The following STK3 variants were observed in gnomAD, a reference collection of about 807,000 sequenced individuals.
The protein encoded by STK3 is serine/threonine kinase 3.
In STK3, 41 loss-of-function variants were observed where a neutral mutation model predicts 58.0. The observed-to-expected ratio is 0.71, with a 90% confidence interval of 0.55 to 0.92. The LOEUF is 0.92. Among genes scored for constraint, STK3 ranks in the 40% least tolerant of loss-of-function variants. The probability of loss-of-function intolerance (pLI) is 0.00; values close to 1 mark genes in which losing one functional copy is unlikely to be tolerated. For missense variants in STK3, 479 were observed against 602.7 expected (o/e 0.79, Z 2.15); for synonymous variants, 170 against 191.0 (o/e 0.89, Z 0.91).
chr8:98,685,256 T>C (rs1297867825), intron 6 of STK3, among the ~76,000 whole-genome samples: 1 of 152,196 alleles, frequency 6.6e-6, no homozygotes, highest in East Asian at 1.9e-4. Context: ...ATAATTCATA[T>C]TTATATAATT....
At chr8:98,791,344 T>A (rs950639757) in intron 1 of STK3, among the ~76,000 whole-genome samples, 1 of 152,208 alleles carries the variant, frequency 6.6e-6, no homozygotes, top group Non-Finnish European at 1.5e-5. Context: ...TGGAAACACA[T>A]CCCATGCTCA....
chr8:98,493,066 C>T (rs1271208001), intron 10 of STK3, among the ~76,000 whole-genome samples: 1 of 150,858 alleles, frequency 6.6e-6, no homozygotes, highest in African/African-American at 2.4e-5. Context: ...CCCAACTCTA[C>T]ATTTTTTTTT....
intron 3 of STK3, among the ~76,000 whole-genome samples, chr8:98,863,699 T>C (rs1050165823): frequency 2.0e-5 from 3 of 152,172 alleles, no homozygotes; most frequent in African/African-American, 7.2e-5. Flanking sequence ...AATGGCAACA[T>C]TTTGGGAAAG....
At chr8:98,522,870 T>C (rs866225819) in intron 10 of STK3, among the ~76,000 whole-genome samples, 10 of 152,330 alleles carry the variant, frequency 6.6e-5, no homozygotes, top group Middle Eastern at 3.4e-3. Context: ...TGTAGCATAT[T>C]GCACAATTTC....
intron 1 of STK3, among the ~76,000 whole-genome samples, chr8:98,908,190 T>C (rs951950434): frequency 7.9e-5 from 12 of 152,256 alleles, no homozygotes; most frequent in African/African-American, 2.9e-4. Flanking sequence ...ATGGTGATAC[T>C]CTGATTCTAT....
At chr8:98,738,720 G>C (rs548538389) in intron 4 of STK3, among the ~76,000 whole-genome samples, 8 of 152,320 alleles carry the variant, frequency 5.3e-5, no homozygotes, top group Admixed American at 2.0e-4. Flanking sequence ...TCTCACTAGA[G>C]AGTGCCAGAC....
chr8:98,680,172 G>A (rs1823528232), intron 6 of STK3, among the ~76,000 whole-genome samples: 1 of 152,004 alleles, frequency 6.6e-6, no homozygotes, highest in Non-Finnish European at 1.5e-5. Context: ...AAAGATCTTT[G>A]GATCTTTTAT....
At chr8:98,630,607 T>C (rs2130497922) in intron 6 of STK3, among the ~76,000 whole-genome samples, 1 of 150,422 alleles carries the variant, frequency 6.6e-6, no homozygotes, top group East Asian at 2.0e-4. Context: ...GGCACCAGTG[T>C]ACTCCAGCCT....
chr8:98,344,726 T>C, the STK3 span, among the ~76,000 whole-genome samples: 2 of 150,882 alleles, frequency 1.3e-5, no homozygotes, highest in Non-Finnish European at 3.0e-5. Context: ...ACCCCGTCTC[T>C]ACTAAAAATA....
intron 6 of STK3, among the ~76,000 whole-genome samples, chr8:98,648,747 C>T (rs1820613963): frequency 6.6e-6 from 1 of 152,066 alleles, no homozygotes; most frequent in Non-Finnish European, 1.5e-5. Flanking sequence ...CAAAAATAAG[C>T]CGGCTGTGGT....
chr8:98,878,006 C>T (rs1464914151), intron 3 of STK3, among the ~76,000 whole-genome samples: 2 of 151,470 alleles, frequency 1.3e-5, no homozygotes, highest in African/African-American at 4.9e-5. Flanking sequence ...CTGGTGTTAG[C>T]AAATCATAAC....
intron 3 of STK3, among the ~76,000 whole-genome samples, chr8:98,855,652 A>G (rs2131839280): frequency 6.6e-6 from 1 of 152,342 alleles, no homozygotes; most frequent in East Asian, 1.9e-4. Context: ...AAGAAAAAAT[A>G]GATATATTAG....
chr8:98,424,562 C>T (rs779734050), intron 3 of STK3, among the ~76,000 whole-genome samples: 8 of 152,050 alleles, frequency 5.3e-5, no homozygotes, highest in Admixed American at 1.3e-4. Context: ...GTGGGGTGGC[C>T]GTGGGTGTGG....
At chr8:98,694,148 T>C (rs1255186619) in intron 6 of STK3, among the ~76,000 whole-genome samples, 1 of 152,166 alleles carries the variant, frequency 6.6e-6, no homozygotes, top group East Asian at 1.9e-4. Flanking sequence ...TTAAATGCTA[T>C]GTTTCTCCAA....
At chr8:98,573,954 AAAC>A (rs1813178459) in intron 8 of STK3, among the ~76,000 whole-genome samples, 1 of 152,046 alleles carries the variant, frequency 6.6e-6, no homozygotes. Flanking sequence ...GCCCCTTATA[AAAC>A]CATCAGACCT....
At chr8:98,802,916 ATG>A (rs2131633478) in intron 1 of STK3, among the ~76,000 whole-genome samples, 1 of 152,336 alleles carries the variant, frequency 6.6e-6, no homozygotes, top group South Asian at 2.1e-4. Flanking sequence ...GTGTTTGCAT[ATG>A]TGTGTATTTC....
intron 6 of STK3, among the ~76,000 whole-genome samples, chr8:98,643,313 T>G (rs1820163635): frequency 6.6e-6 from 1 of 152,168 alleles, no homozygotes; most frequent in African/African-American, 2.4e-5. Flanking sequence ...TATTATTACC[T>G]CATCTTCTAT....
At position 98,824,757 on chromosome 8, in the gene STK3, G is replaced by A. The variant is rs537855297; in HGVS notation, c.26+758C>T. Among the ~76,000 whole-genome samples the A allele has an allele frequency of 1.1e-4, 16 of 152,274 alleles. No individual in the cohort carries two copies. The South Asian group carries it at 3.3e-3, about 32-fold the overall frequency. On this transcript the variant is annotated intron_variant, in intron 1 of 10. Transcript: ENST00000419617. Reference sequence around the variant, plus strand: ...CATCTAAAGATCTCTAGCTGTCAAAGCATACGAACTCTTTAATCTTCACAA... The same window carrying A: ...CATCTAAAGATCTCTAGCTGTCAAAACATACGAACTCTTTAATCTTCACAA...
chr8:98,517,810 C>G (rs1825046630), intron 10 of STK3, among the ~76,000 whole-genome samples: 1 of 152,046 alleles, frequency 6.6e-6, no homozygotes. Context: ...ACATTGTCCA[C>G]TCTTTGATCC....
Sources: allele counts gnomAD v4.1 joint callset (sites outside exome capture counted in the v4.1 genomes callset), GRCh38; gene constraint gnomAD v4.1.1; transcripts MANE v1.5; gene names NCBI Gene and HGNC (gene_info 2026-07-23, HGNC 2026-07-21).